SEL1L2: variants seen among roughly 807,000 people sequenced by gnomAD.
SEL1L2 encodes the protein SEL1L2 adaptor subunit of SYVN1 ubiquitin ligase.
Under a neutral mutation model 98.8 loss-of-function variants are expected in SEL1L2, and 89 were observed. The ratio of observed to expected loss-of-function variants is 0.90; its 90% CI spans 0.76 to 1.07. The LOEUF is 1.07. Among genes scored for constraint, SEL1L2 ranks in the 50% least tolerant of loss-of-function variants. The pLI, the probability that SEL1L2 is intolerant of heterozygous loss-of-function variation, is 0.00. For synonymous variants in SEL1L2, 262 were observed against 278.5 expected (o/e 0.94, Z 0.59); for missense variants, 788 against 812.0 (o/e 0.97, Z 0.36).
chr20:13,956,162 T>G (rs776780687), intron 1 of SEL1L2, 31 bp from the exon 2 acceptor site: 1 of 1,182,752 alleles, frequency 8.5e-7, no homozygotes, highest in South Asian at 1.5e-5. Context: ...TTATAAAATT[T>G]AAAAGCATTT....
At chr20:13,883,114 C>A (rs2147959918) in intron 10 of SEL1L2, among the ~76,000 whole-genome samples, 1 of 152,308 alleles carries the variant, frequency 6.6e-6, no homozygotes, top group South Asian at 2.1e-4. Flanking sequence ...GCCACCGCGC[C>A]TGGCCTCAAT....
chr20:13,906,869 G>A (rs1436856333), intron 5 of SEL1L2, among the ~76,000 whole-genome samples: 1 of 152,044 alleles, frequency 6.6e-6, no homozygotes, highest in Admixed American at 6.5e-5. Flanking sequence ...AGTAGAGACG[G>A]AGGTTCACCA....
At chr20:13,929,442 T>G (rs1020912212) in intron 3 of SEL1L2, among the ~76,000 whole-genome samples, 2 of 150,366 alleles carry the variant, frequency 1.3e-5, no homozygotes, top group African/African-American at 2.4e-5. Context: ...TAATCTCCCC[T>G]GTCTGGAAAG....
Position 13,859,308 on chromosome 20 carries a change from A to G in SEL1L2, c.1772T>C (p.Met591Thr). 1 of 1,614,190 alleles carries G rather than the reference A, an allele frequency of 6.2e-7. No individual in the cohort carries two copies. The highest frequency in any genetic ancestry group is 8.5e-7 in the Non-Finnish European group (1 of 1,180,022). Residue 591 changes from methionine (M) to threonine (T), a missense_variant, in exon 18 of 20, where the codon ATG (methionine) becomes ACG (threonine). Transcript: ENST00000284951. ...TTCATACATATAAGCCAGATTGAAC[A>G]TGGCTTGCGCGTTGTGGTATTTGTT... ...AANKYHNAQA[M>T]FNLAYMYEHG...
chr20:13,940,640 A>G (rs1027050253), intron 2 of SEL1L2, among the ~76,000 whole-genome samples: 2 of 152,222 alleles, frequency 1.3e-5, no homozygotes, highest in African/African-American at 2.4e-5. Context: ...CAGCATCATG[A>G]GTGGGAGCAG....
In SEL1L2 at chr20:13,921,217, G is replaced by A. The variant is rs115547713; in HGVS notation, c.284-2094C>T. On this transcript the variant is annotated intron_variant, in intron 3 of 19. Transcript: ENST00000284951. ...TTCGTTTTCTTCACTCTGTTGCCCCGGTTGGAGTGCAGTGGTGCAATCTTG... is the reference window on the plus strand; with the variant it reads ...TTCGTTTTCTTCACTCTGTTGCCCCAGTTGGAGTGCAGTGGTGCAATCTTG... Among the ~76,000 whole-genome samples the A allele has an allele frequency of 5.7e-3, 869 of 152,148 alleles. 8 individuals carry two copies. The highest frequency in any genetic ancestry group is 0.02 in the African/African-American group (813 of 41,484).
At chr20:13,888,039 C>T in intron 6 of SEL1L2, 38 bp from the exon 7 acceptor site, 1 of 1,573,016 alleles carries the variant, frequency 6.4e-7, no homozygotes, top group South Asian at 1.1e-5. Context: ...CCCCCCAAAC[C>T]AGGTTGGCCA....
At chr20:13,931,004 C>T (rs1045108537) in intron 3 of SEL1L2, among the ~76,000 whole-genome samples, 5 of 151,668 alleles carry the variant, frequency 3.3e-5, no homozygotes, top group African/African-American at 1.2e-4. Context: ...TGGTGGCACA[C>T]ACCTGTAGTC....
chr20:13,919,924 C>CAAAAAA (rs10655831), intron 3 of SEL1L2, among the ~76,000 whole-genome samples: 1 of 130,112 alleles, frequency 7.7e-6, no homozygotes. Flanking sequence ...GACTCCGTCT[C>CAAAAAA]AAAAAAAAAA....
intron 2 of SEL1L2, among the ~76,000 whole-genome samples, chr20:13,941,411 C>T (rs2049770829): frequency 6.6e-6 from 1 of 152,192 alleles, no homozygotes; most frequent in South Asian, 2.1e-4. Flanking sequence ...GGGTTTCTGG[C>T]TTCTTGAATA....
At chr20:13,934,785 AT>A (rs1263840406) in intron 2 of SEL1L2, among the ~76,000 whole-genome samples, 1 of 150,152 alleles carries the variant, frequency 6.7e-6, no homozygotes, top group African/African-American at 2.5e-5. Context: ...GTTTTTTTTT[AT>A]TTTTTGATTA....
At chr20:13,949,056 C>A (rs1460251130) in intron 2 of SEL1L2, among the ~76,000 whole-genome samples, 1 of 152,090 alleles carries the variant, frequency 6.6e-6, no homozygotes, top group African/African-American at 2.4e-5. Flanking sequence ...TAGATTACAT[C>A]AAAATTTAAA....
At chr20:13,870,033 T>C (rs866476252) in intron 13 of SEL1L2, 108 bp downstream of exon 13, 1 of 766,082 alleles carries the variant, frequency 1.3e-6, no homozygotes, top group Middle Eastern at 2.7e-4. Context: ...GATATCACAG[T>C]TTGGCAAACC....
At position 13,885,716 on chromosome 20, in the gene SEL1L2, G is replaced by A. The variant is rs112541668; in HGVS notation, c.901-313C>T. 1.1e-4 allele frequency among the ~76,000 whole-genome samples: 17 copies of A among 152,232 alleles called. 2 individuals carry two copies. Among genetic ancestry groups the A allele is most frequent in the African/African-American group, 4.1e-4 (17 of 41,542 alleles). ...CCATTCCCAAAAACAGAACCTTTCT[G>A]GATTGCCGTAGTTTATTCATACTAA... On this transcript the variant is annotated intron_variant, in intron 9 of 19. Transcript: ENST00000284951.
intron 2 of SEL1L2, among the ~76,000 whole-genome samples, chr20:13,954,982 G>A (rs777272190): frequency 6.6e-6 from 1 of 152,110 alleles, no homozygotes; most frequent in Admixed American, 6.6e-5. Flanking sequence ...GTTTAGAAAA[G>A]GTTGCAATGT....
upstream of SEL1L2, among the ~76,000 whole-genome samples, chr20:13,993,088 G>C (rs1417661790): frequency 6.6e-6 from 1 of 152,126 alleles, no homozygotes; most frequent in East Asian, 1.9e-4. Context: ...CTTCTGACAA[G>C]GTATCACTAG....
chr20:13,961,222 G>A (rs1329410449), intron 1 of SEL1L2, among the ~76,000 whole-genome samples: 2 of 152,110 alleles, frequency 1.3e-5, no homozygotes, highest in East Asian at 1.9e-4. Context: ...CCTTACCAAA[G>A]GATTCACAAT....
At chr20:13,940,489 G>T (rs2049712576) in intron 2 of SEL1L2, among the ~76,000 whole-genome samples, 1 of 152,150 alleles carries the variant, frequency 6.6e-6, no homozygotes, top group South Asian at 2.1e-4. Context: ...AAGTAGGGGG[G>T]TGATATCATA....
At chr20:13,903,836 GC>G (rs779550741) in intron 5 of SEL1L2, among the ~76,000 whole-genome samples, 12 of 152,206 alleles carry the variant, frequency 7.9e-5, no homozygotes, top group Non-Finnish European at 1.8e-4. Flanking sequence ...AGTATTTGAA[GC>G]CCATAGGGTC....
Sources: allele counts gnomAD v4.1 joint callset (sites outside exome capture counted in the v4.1 genomes callset), GRCh38; gene constraint gnomAD v4.1.1; transcripts MANE v1.5; gene names NCBI Gene and HGNC (gene_info 2026-07-23, HGNC 2026-07-21).